ZBTB11: variants seen among roughly 807,000 people sequenced by gnomAD.
ZBTB11 encodes the protein zinc finger and BTB domain containing 11.
A neutral mutation model predicts 113.1 loss-of-function variants in ZBTB11; 68 were observed. The ratio of observed to expected loss-of-function variants is 0.60; its 90% CI spans 0.49 to 0.74. The LOEUF (loss-of-function observed/expected upper bound fraction) is 0.74. Ranked by LOEUF, ZBTB11 falls within the 30% of genes least tolerant of loss-of-function variation. The probability of loss-of-function intolerance (pLI) is 0.00; values close to 1 mark genes in which losing one functional copy is unlikely to be tolerated. For missense variants in ZBTB11, 1,104 were observed against 1,279.4 expected, an observed-to-expected ratio of 0.86 and a Z score of 2.09; for synonymous variants, 518 against 452.6, an observed-to-expected ratio of 1.14 and a Z score of -1.83.
intron 3 of ZBTB11, among the ~76,000 whole-genome samples, chr3:101,669,978 G>A (rs902083371): frequency 1.3e-5 from 2 of 152,000 alleles, no homozygotes; most frequent in Non-Finnish European, 2.9e-5. Context: ...ACAGGCATGC[G>A]CCACCGTGCC....
intron 7 of ZBTB11, 94 bp from the exon 8 acceptor site, chr3:101,654,915 C>T (rs981227999): frequency 2.1e-6 from 2 of 944,838 alleles, no homozygotes; most frequent in Non-Finnish European, 3.3e-6. Context: ...ACTCTGTTGC[C>T]CAGGTTGGAT....
intron 3 of ZBTB11, among the ~76,000 whole-genome samples, chr3:101,667,318 G>T (rs1346249412): frequency 6.6e-6 from 1 of 152,172 alleles, no homozygotes; most frequent in Non-Finnish European, 1.5e-5. Flanking sequence ...TGGATTACAG[G>T]TGTGAGCCAC....
At chr3:101,663,950 T>C (rs772833981) in intron 5 of ZBTB11, among the ~76,000 whole-genome samples, 2 of 151,946 alleles carry the variant, frequency 1.3e-5, no homozygotes, top group African/African-American at 4.8e-5. Context: ...CTTCCCTGTT[T>C]TGAGTACAGT....
Position 101,676,439 on chromosome 3 carries a change from G to C in ZBTB11, c.310+166C>G, listed in dbSNP as rs536596544. ...CGCCGGCCTCCTTCCTGTGGGAAGT[G>C]CGGCTCCTTTCGCGTCCCCCACCCT... On this transcript the variant is annotated intron_variant, in intron 1 of 10. Coordinates refer to ENST00000312938, the MANE Select transcript of ZBTB11 (RefSeq NM_014415.4). The C allele has an allele frequency of 5.9e-6, 4 of 679,654 alleles. No individual in the cohort carries two copies. In the African/African-American group the frequency reaches 7.6e-5, roughly 13 times the overall value. The allele number at this position is 679,654 out of a possible 1,614,324, so 42.1% of individuals were successfully genotyped here.
Position 101,664,555 on chromosome 3 carries a change from T to C in ZBTB11, c.1783A>G (p.Arg595Gly), listed in dbSNP as rs1936947173. Residue 595 changes from arginine (R) to glycine (G), a missense_variant, in exon 5 of 11, where the codon AGA (arginine) becomes GGA (glycine). By Grantham distance (125) the Arg-to-Gly change is moderately radical. Coordinates refer to ENST00000312938, the MANE Select transcript of ZBTB11 (RefSeq NM_014415.4). ...IMHKLKHERA[R>G]DYKCPLCKKQ... Reference sequence around the variant, plus strand: ...ATACTTACTGGACATTTGTAATCTCTAGCTCTTTCATGTTTCAGTTTGTGC... The same window carrying C: ...ATACTTACTGGACATTTGTAATCTCCAGCTCTTTCATGTTTCAGTTTGTGC... The C allele has an allele frequency of 1.9e-6, 3 of 1,605,750 alleles. No individual in the cohort carries two copies. The highest frequency in any genetic ancestry group is 2.5e-6 in the Non-Finnish European group (3 of 1,178,008).
rs1053800236 is a variant in ZBTB11 at position 101,664,728 on chromosome 3, G to A, written c.1624-14C>T. 7 of 1,573,446 alleles carry A rather than the reference G, an allele frequency of 4.4e-6. No homozygotes were observed. Among genetic ancestry groups the A allele is most frequent in the Admixed American group, 2.1e-5 (1 of 48,114 alleles). On this transcript the variant is annotated splice_polypyrimidine_tract_variant and intron_variant, in intron 4 of 10. Transcript: ENST00000312938. ...CTTCTGAGCCACCTAGTAAGGGATA[G>A]AAATCACAATCTAAGTAAATCTACT... is the stretch of plus-strand genomic sequence containing the variant.
chr3:101,649,616 G>A lies in ZBTB11; in HGVS notation c.*1550C>T, dbSNP rs1449002781. Reference sequence around the variant, plus strand: ...CCACTAACTGAAAGATAAGATAAATGAGCAGCCATTATAAAGTTATGGGCT... The same window carrying A: ...CCACTAACTGAAAGATAAGATAAATAAGCAGCCATTATAAAGTTATGGGCT... On this transcript the variant is annotated 3_prime_UTR_variant, in exon 11 of 11. Transcript: ENST00000312938. The A allele has an allele frequency of 6.6e-6, 1 of 152,536 alleles. No individual in the cohort carries two copies. The highest frequency in any genetic ancestry group is 2.4e-5 in the African/African-American group (1 of 41,438). The allele number at this position is 152,536 out of a possible 1,614,324, so 9.4% of individuals were successfully genotyped here.
intron 1 of ZBTB11, among the ~76,000 whole-genome samples, chr3:101,676,002 A>T (rs1027845024): frequency 7.3e-5 from 11 of 151,140 alleles, no homozygotes; most frequent in Non-Finnish European, 1.3e-4. Context: ...TCTTGTTCTT[A>T]AAAAAAAACG....
chr3:101,675,665 A>G lies in ZBTB11; in HGVS notation c.310+940T>C, dbSNP rs141894432. On this transcript the variant is annotated intron_variant, in intron 1 of 10. Coordinates refer to ENST00000312938, the MANE Select transcript of ZBTB11 (RefSeq NM_014415.4). ...CCTTACAACTGGTTCCCAAGGAGTC[A>G]AGTAACTTCAGAGCTGTATTTTTTG... Among the ~76,000 whole-genome samples, 234 of 152,380 alleles carry G rather than the reference A, an allele frequency of 1.5e-3. 1 individual carries two copies. The highest frequency in any genetic ancestry group is 2.3e-3 in the Non-Finnish European group (156 of 68,038).
At chr3:101,651,808 G>A in intron 10 of ZBTB11, 125 bp from the exon 11 acceptor site, 1 of 1,023,214 alleles carries the variant, frequency 9.8e-7, no homozygotes. Flanking sequence ...CTGGACTGTG[G>A]CAATCTTTTA....
chr3:101,672,784 T>C (rs181817591), intron 1 of ZBTB11, among the ~76,000 whole-genome samples: 313 of 152,350 alleles, frequency 2.1e-3, no homozygotes, highest in Non-Finnish European at 3.5e-3. Flanking sequence ...CCAGTGACAT[T>C]AGGCTTGACC....
At position 101,672,028 on chromosome 3, in the gene ZBTB11, C is replaced by CTGTAGT. The variant is rs1559988617; in HGVS notation, c.490_495dup (p.Thr164_Thr165dup). The CTGTAGT allele has an allele frequency of 6.2e-7, 1 of 1,614,132 alleles. No homozygotes were observed. Among genetic ancestry groups the CTGTAGT allele is most frequent in the South Asian group, 1.1e-5 (1 of 91,086 alleles). ...GGCTTCTTTTTTGCAGGCTTGGATG[C>CTGTAGT]TGTAGTTGGAGATGAAGTAAAGTTG... On this transcript the variant is annotated inframe_insertion, in exon 2 of 11. Transcript: ENST00000312938.
rs559941041 is a variant in ZBTB11 at position 101,676,545 on chromosome 3, G to T, written c.310+60C>A. ...TCGTGGGTACGCATAGGCCTCGCCAGCGAGCCTTGCCCAGGCAACGAGTCG... is the reference window on the plus strand; with the variant it reads ...TCGTGGGTACGCATAGGCCTCGCCATCGAGCCTTGCCCAGGCAACGAGTCG... On this transcript the variant is annotated intron_variant, in intron 1 of 10. Coordinates refer to ENST00000312938, the MANE Select transcript of ZBTB11 (RefSeq NM_014415.4). 14 of 1,423,222 alleles carry T rather than the reference G, an allele frequency of 9.8e-6. No individual in the cohort carries two copies. In the Middle Eastern group the frequency reaches 7.5e-4, roughly 77 times the overall value. 88.2% of individuals were successfully genotyped at this position (1,423,222 alleles called of 1,614,324 possible). A position where few individuals can be genotyped will look rare whatever the true frequency, so the allele number is the denominator to read the frequency against.
chr3:101,659,737 AAGTTCTAATGTTCTT>A, intron 6 of ZBTB11, 31 bp downstream of exon 6: 1 of 1,601,050 alleles, frequency 6.2e-7, no homozygotes, highest in Non-Finnish European at 8.5e-7. Context: ...ACACATAGTT[AAGTTCTAATGTTCTT>A]TAAATAGCAA....
intron 6 of ZBTB11, among the ~76,000 whole-genome samples, chr3:101,658,959 C>T (rs1936843241): frequency 1.3e-5 from 2 of 152,286 alleles, no homozygotes; most frequent in East Asian, 3.9e-4. Context: ...CTAAGTCAGG[C>T]CTGGCATAGT....
intron 5 of ZBTB11, among the ~76,000 whole-genome samples, chr3:101,661,102 T>C (rs1346211221): frequency 6.6e-6 from 1 of 151,910 alleles, no homozygotes; most frequent in African/African-American, 2.4e-5. Context: ...AGCATTATGG[T>C]GCATGCCTGT....
At position 101,656,146 on chromosome 3, in the gene ZBTB11, C is replaced by T. The variant is rs959532193; in HGVS notation, c.2149G>A (p.Val717Ile). The change falls in exon 7 of 11, where the codon GTT (valine) becomes ATT (isoleucine). Residue 717 changes from valine to isoleucine, a missense_variant. Physicochemically the swap from Val to Ile is conservative, Grantham distance 29 (BLOSUM62 3). Around this residue, in one of 5 missense-constraint regions of ZBTB11, gnomAD observed 535 missense variants for 518.6 expected, o/e 1.03. Coordinates refer to ENST00000312938, the MANE Select transcript of ZBTB11 (RefSeq NM_014415.4). ...FQCELCVKSF[V>I]TKRSLQEHMS... ...TGTTCTTGAAGACTCCGTTTGGTAA[C>T]AAATGACTTAACACACAGTTCACAC... The T allele has an allele frequency of 7.5e-6, 12 of 1,594,896 alleles. No individual in the cohort carries two copies. Among genetic ancestry groups the T allele is most frequent in the Non-Finnish European group, 1.0e-5 (12 of 1,171,850 alleles).
chr3:101,664,675 G>C lies in ZBTB11; in HGVS notation c.1663C>G (p.Gln555Glu). 1.2e-6 allele frequency: 2 copies of C among 1,609,858 alleles called. No homozygotes were observed. The highest frequency in any genetic ancestry group is 1.7e-6 in the Non-Finnish European group (2 of 1,178,944). Residue 555 changes from glutamine to glutamate, a missense_variant, in exon 5 of 11, where the codon CAG becomes GAG. Transcript: ENST00000312938. ...TTCTCTTTAGCATCTCTTTTTGGCT[G>C]TTTCATCTTTTTTCCTCTTTGAACT... Reference protein sequence around the residue: ...KLVQRGKKMKQPKRDAKENTE... With the variant: ...KLVQRGKKMKEPKRDAKENTE...
At position 101,659,796 on chromosome 3, in the gene ZBTB11, G is replaced by A; in HGVS notation, c.2033C>T (p.Pro678Leu). 2 of 1,614,016 alleles carry A rather than the reference G, an allele frequency of 1.2e-6. No individual in the cohort carries two copies. The highest frequency in any genetic ancestry group is 1.1e-5 in the South Asian group (1 of 91,072). The change falls in exon 6 of 11, where the codon CCA becomes CTA. Residue 678 changes from proline to leucine, a missense_variant. Physicochemically the swap from Pro to Leu is moderately conservative, Grantham distance 98 (BLOSUM62 -3). Coordinates refer to ENST00000312938, the MANE Select transcript of ZBTB11 (RefSeq NM_014415.4). ...IHMLKHTGVK[P>L]HACQVCGKTF... ...TTATAGCTTTACCTGGCATGCATGTGGCTTTACACCTGTGTGCTTTAACAT... is the reference window on the plus strand; with the variant it reads ...TTATAGCTTTACCTGGCATGCATGTAGCTTTACACCTGTGTGCTTTAACAT...
Sources: gnomAD v4.1 joint callset for allele counts (sites outside exome capture counted in the v4.1 genomes callset) on GRCh38, gnomAD v4.1.1 for gene constraint, gnomAD v4.1.1 regional missense constraint, MANE v1.5 for transcripts, NCBI Gene and HGNC (gene_info 2026-07-23, HGNC 2026-07-21) for gene names.